The following LARGE1 variants were observed in gnomAD, a reference collection of about 807,000 sequenced individuals.
LARGE1 encodes the protein LARGE xylosyl- and glucuronyltransferase 1, also known as xylosyl- and glucuronyltransferase LARGE1.
In LARGE1, 43 loss-of-function variants were observed where a neutral mutation model predicts 87.6. The ratio of observed to expected loss-of-function variants is 0.49; its 90% CI spans 0.38 to 0.63. The LOEUF (loss-of-function observed/expected upper bound fraction) is 0.63, where lower values mean the gene tolerates loss of function less well. Among genes scored for constraint, LARGE1 ranks in the 30% least tolerant of loss-of-function variants. LARGE1 has a pLI of 0.00. For missense variants in LARGE1, 802 were observed against 1,000.2 expected (o/e 0.80, Z 2.67); for synonymous variants, 434 against 394.6 (o/e 1.10, Z -1.18).
chr22:33,292,866 C>T (rs988429831), intron 12 of LARGE1, among the ~76,000 whole-genome samples: 15 of 152,148 alleles, frequency 9.9e-5, no homozygotes, highest in African/African-American at 3.1e-4. Flanking sequence ...CTTAACACCC[C>T]GGGCTTTTGT....
chr22:33,427,763 A>G (rs759799690), intron 7 of LARGE1, among the ~76,000 whole-genome samples: 33 of 152,260 alleles, frequency 2.2e-4, no homozygotes, highest in Non-Finnish European at 4.1e-4. Context: ...CTGCGCCACC[A>G]CAACAGAGCC....
chr22:33,264,122 T>C (rs534674769), intron 11 of LARGE1, among the ~76,000 whole-genome samples: 18 of 152,290 alleles, frequency 1.2e-4, no homozygotes, highest in South Asian at 4.1e-4. Flanking sequence ...TGAATTTGTG[T>C]TTACAAACAC....
rs1925952794 is a variant in LARGE1, at chr22:33,230,441, C to A, written c.1731-63609G>T. Among the ~76,000 whole-genome samples, 3 of 151,998 alleles carry A rather than the reference C, an allele frequency of 2.0e-5. No homozygotes were observed. The South Asian group carries it at 6.2e-4, about 32-fold the overall frequency. ...TAGAGTGATTATTTCTAAGTCTTGCCCTCACAGAGCAGGAGATTAGAAGGA... is the reference window on the plus strand; with the variant it reads ...TAGAGTGATTATTTCTAAGTCTTGCACTCACAGAGCAGGAGATTAGAAGGA... On this transcript the variant is annotated intron_variant, in intron 11 of 11. Transcript: ENST00000608642.
At chr22:33,510,315 T>C (rs1374811722) in intron 6 of LARGE1, among the ~76,000 whole-genome samples, 1 of 152,196 alleles carries the variant, frequency 6.6e-6, no homozygotes, top group Non-Finnish European at 1.5e-5. Flanking sequence ...TTTATACATA[T>C]TTACTGATTT....
At chr22:33,111,095 T>A in the LARGE1 span, among the ~76,000 whole-genome samples, 1 of 152,108 alleles carries the variant, frequency 6.6e-6, no homozygotes, top group East Asian at 1.9e-4. Context: ...TAGGCACCAG[T>A]GACTTTTGAG....
At chr22:33,648,732 G>C (rs1344272160) in intron 3 of LARGE1, among the ~76,000 whole-genome samples, 1 of 152,130 alleles carries the variant, frequency 6.6e-6, no homozygotes, top group East Asian at 1.9e-4. Flanking sequence ...CACTGGGCCT[G>C]GCATACAGTC....
chr22:33,169,132 A>C (rs564449602), intron 11 of LARGE1, among the ~76,000 whole-genome samples: 72 of 152,342 alleles, frequency 4.7e-4, no homozygotes, highest in African/African-American at 1.6e-3. Flanking sequence ...CAGGAGTGTC[A>C]AACAGTTATC....
intron 5 of LARGE1, among the ~76,000 whole-genome samples, chr22:33,574,300 T>TA (rs1350465554): frequency 6.6e-6 from 1 of 152,178 alleles, no homozygotes; most frequent in African/African-American, 2.4e-5. Context: ...CTATTGCATA[T>TA]AACCTATGCA....
At chr22:33,471,328 G>A (rs1777407355) in intron 6 of LARGE1, among the ~76,000 whole-genome samples, 1 of 151,976 alleles carries the variant, frequency 6.6e-6, no homozygotes, top group South Asian at 2.1e-4. Context: ...ACAGGCATGA[G>A]CCACCACACT....
intron 5 of LARGE1, among the ~76,000 whole-genome samples, chr22:33,598,312 A>G (rs1748723343): frequency 6.6e-6 from 1 of 152,232 alleles, no homozygotes; most frequent in Non-Finnish European, 1.5e-5. Flanking sequence ...GACCTAGTCC[A>G]TAGAGGTGTT....
chr22:33,909,107 C>T (rs1203794943), intron 1 of LARGE1, among the ~76,000 whole-genome samples: 1 of 152,186 alleles, frequency 6.6e-6, no homozygotes, highest in African/African-American at 2.4e-5. Context: ...CAAAGCTCTA[C>T]CCCAAGCCAA....
At chr22:33,160,294 G>A (rs995438519), downstream of LARGE1, among the ~76,000 whole-genome samples, 7 of 152,134 alleles carry the variant, frequency 4.6e-5, no homozygotes, top group Non-Finnish European at 1.0e-4. Context: ...AGGACAGTTG[G>A]AAGGAGGAAG....
chr22:33,752,556 C>T (rs2084360400), intron 2 of LARGE1, among the ~76,000 whole-genome samples: 1 of 152,114 alleles, frequency 6.6e-6, no homozygotes, highest in Non-Finnish European at 1.5e-5. Flanking sequence ...ACAATTCAGA[C>T]CAATACATCT....
At chr22:33,233,128 G>A (rs1445279405) in intron 11 of LARGE1, among the ~76,000 whole-genome samples, 2 of 152,140 alleles carry the variant, frequency 1.3e-5, no homozygotes, top group East Asian at 3.8e-4. Flanking sequence ...TCTAAAGCAG[G>A]TACAGACATC....
chr22:33,323,452 G>A lies in LARGE1; in HGVS notation c.1288-7204C>T, dbSNP rs549003362. 1.1e-4 allele frequency among the ~76,000 whole-genome samples: 17 copies of A among 152,310 alleles called. No homozygotes were observed. In the East Asian group the frequency reaches 1.2e-3, roughly 10 times the overall value. On this transcript the variant is annotated intron_variant, in intron 10 of 14. Coordinates refer to ENST00000397394, the MANE Select transcript of LARGE1 (RefSeq NM_133642.5). ...CTTTCAGTAATCTGCTTCAGTGAGC[G>A]AGAAGAAGTCCAGGATGGGAATCCA...
chr22:33,442,411 C>T (rs564500839), intron 6 of LARGE1, among the ~76,000 whole-genome samples: 7 of 152,278 alleles, frequency 4.6e-5, no homozygotes, highest in South Asian at 2.1e-4. Context: ...TCAAATCTCA[C>T]GGATGCAGCT....
intron 1 of LARGE1, among the ~76,000 whole-genome samples, chr22:33,889,493 C>A (rs2064949334): frequency 6.6e-6 from 1 of 152,092 alleles, no homozygotes; most frequent in South Asian, 2.1e-4. Flanking sequence ...TTAAATAGAC[C>A]CTTTATTCTT....
At chr22:33,777,431 A>C (rs1186953502) in intron 1 of LARGE1, among the ~76,000 whole-genome samples, 1 of 152,064 alleles carries the variant, frequency 6.6e-6, no homozygotes, top group Non-Finnish European at 1.5e-5. Flanking sequence ...TGAGCCTAGG[A>C]GTTCAAGACC....
chr22:33,878,129 C>CTTTTTTTTTTTATTTTTTTTTTTTTTTTT (rs2064533235), intron 1 of LARGE1, among the ~76,000 whole-genome samples: 1 of 44,652 alleles, frequency 2.2e-5, no homozygotes, highest in Non-Finnish European at 5.1e-5. Context: ...TATTGTATTT[C>CTTTTTTTTTTTATTTTTTTTTTTTTTTTT]TTTTTTTTTT....
Sources: gnomAD v4.1 joint callset for allele counts (sites outside exome capture counted in the v4.1 genomes callset) on GRCh38, gnomAD v4.1.1 for gene constraint, MANE v1.5 for transcripts, NCBI Gene and HGNC (gene_info 2026-07-23, HGNC 2026-07-21) for gene names.